CHKA: variants seen among roughly 807,000 people sequenced by gnomAD.
The protein encoded by CHKA is CHETK-alpha.
Under a neutral mutation model 60.1 loss-of-function variants are expected in CHKA, and 34 were observed. The ratio of observed to expected loss-of-function variants is 0.57; its 90% CI spans 0.43 to 0.75. The LOEUF is 0.75. Ranked by LOEUF, CHKA falls within the 30% of genes least tolerant of loss-of-function variation. The pLI is 0.00. For synonymous variants in CHKA, 217 were observed against 223.1 expected (o/e 0.97, Z 0.24); for missense variants, 563 against 561.3 (o/e 1.00, Z -0.03).
In CHKA at chr11:68,054,015, G is replaced by A; in HGVS notation, c.1347C>T (p.Phe449=). 6.2e-7 allele frequency: 1 copy of A among 1,613,714 alleles called. No homozygotes were observed. The highest frequency in any genetic ancestry group is 8.5e-7 in the Non-Finnish European group (1 of 1,179,862). ...DYAQARFDAY[F]HQKRKLGV The stretch of plus-strand genomic sequence containing the variant: ...ACACCCCAAGCTTCCTCTTCTGGTG[G>A]AAATAGGCATCAAACCTTGCTTGGG... Residue 449 remains phenylalanine (F), a synonymous_variant, in exon 12 of 12, where the codon TTC becomes TTT. Transcript: ENST00000265689.
intron 4 of CHKA, among the ~76,000 whole-genome samples, chr11:68,072,796 C>T (rs1392844684): frequency 5.9e-5 from 9 of 151,950 alleles, no homozygotes; most frequent in Admixed American, 5.9e-4. Flanking sequence ...GAGTTCAAGA[C>T]CAGCCAGGGT....
intron 6 of CHKA, 26 bp from the exon 7 acceptor site, chr11:68,068,963 C>T (rs768188632): frequency 6.3e-7 from 1 of 1,582,856 alleles, no homozygotes; most frequent in Non-Finnish European, 8.7e-7. Context: ...TCACTGTTAC[C>T]CATCACGCTT....
At chr11:68,069,957 A>G (rs1477265273) in intron 6 of CHKA, among the ~76,000 whole-genome samples, 2 of 152,266 alleles carry the variant, frequency 1.3e-5, no homozygotes, top group African/African-American at 2.4e-5. Context: ...TTTCCTTCTC[A>G]ATGGAACCTT....
chr11:68,094,563 A>G (rs559116327), intron 2 of CHKA, among the ~76,000 whole-genome samples: 4 of 152,336 alleles, frequency 2.6e-5, no homozygotes, highest in Non-Finnish European at 1.5e-5. Flanking sequence ...CACACCAGTA[A>G]AAGTGCCAAA....
At chr11:68,074,853 A>C (rs1170877940) in intron 3 of CHKA, 23 bp from the exon 4 acceptor site, 1 of 1,610,630 alleles carries the variant, frequency 6.2e-7, no homozygotes, top group Admixed American at 1.7e-5. Context: ...GCAACAAATC[A>C]GGTGTTTACT....
At chr11:68,076,132 C>G (rs538902645) in intron 3 of CHKA, among the ~76,000 whole-genome samples, 6 of 152,094 alleles carry the variant, frequency 3.9e-5, no homozygotes, top group Admixed American at 6.6e-5. Flanking sequence ...GCCGGTAATC[C>G]CCCCACAATT....
intron 3 of CHKA, 84 bp from the exon 4 acceptor site, chr11:68,074,914 A>G (rs1770168792): frequency 4.3e-6 from 5 of 1,172,776 alleles, no homozygotes; most frequent in South Asian, 3.8e-5. Flanking sequence ...GGAGTGTTTC[A>G]TCTGATCCTC....
Position 68,111,078 on chromosome 11 carries a change from A to G in CHKA, c.350+9750T>C, listed in dbSNP as rs115166515. 6.2e-3 allele frequency among the ~76,000 whole-genome samples: 950 copies of G among 152,152 alleles called. 13 individuals are homozygous for G. Among genetic ancestry groups the G allele is most frequent in the African/African-American group, 0.021 (882 of 41,514 alleles). ...AGAATAGCCAATGAAGAATAAAGTC[A>G]GAGGACCGACAATACTCAACCTCAA... On this transcript the variant is annotated intron_variant, in intron 1 of 11. Coordinates refer to ENST00000265689, the MANE Select transcript of CHKA (RefSeq NM_001277.3).
intron 4 of CHKA, among the ~76,000 whole-genome samples, chr11:68,073,593 C>T (rs1461438969): frequency 6.6e-6 from 1 of 152,196 alleles, no homozygotes; most frequent in Non-Finnish European, 1.5e-5. Context: ...GCAGCTAGCA[C>T]AACACTAGCA....
At chr11:68,073,596 C>G (rs1195998870) in intron 4 of CHKA, among the ~76,000 whole-genome samples, 2 of 152,188 alleles carry the variant, frequency 1.3e-5, no homozygotes, top group African/African-American at 4.8e-5. Flanking sequence ...GCTAGCACAA[C>G]ACTAGCACAG....
intron 1 of CHKA, among the ~76,000 whole-genome samples, chr11:68,108,366 G>A (rs1289044693): frequency 6.6e-6 from 1 of 152,126 alleles, no homozygotes; most frequent in Non-Finnish European, 1.5e-5. Flanking sequence ...CTGGTTTCCA[G>A]TCCAGTATGT....
intron 1 of CHKA, among the ~76,000 whole-genome samples, chr11:68,105,242 C>A (rs1391550164): frequency 1.3e-5 from 2 of 151,962 alleles, no homozygotes; most frequent in East Asian, 3.9e-4. Flanking sequence ...CTAGGCCGGA[C>A]ATGGTGGCTC....
At chr11:68,058,619 A>C (rs1435129231) in intron 11 of CHKA, among the ~76,000 whole-genome samples, 1 of 152,256 alleles carries the variant, frequency 6.6e-6, no homozygotes, top group African/African-American at 2.4e-5. Flanking sequence ...TGACTTTGAT[A>C]AACTCATTCA....
chr11:68,116,632 G>A (rs1393688562), intron 1 of CHKA, among the ~76,000 whole-genome samples: 1 of 151,794 alleles, frequency 6.6e-6, no homozygotes. Flanking sequence ...CAGGAGAATC[G>A]CTTGAACCTG....
chr11:68,084,466 G>A (rs1359650963), intron 2 of CHKA, among the ~76,000 whole-genome samples: 1 of 142,146 alleles, frequency 7.0e-6, no homozygotes, highest in African/African-American at 2.6e-5. Context: ...ATATATATAG[G>A]AATCCGTGGG....
Position 68,093,513 on chromosome 11 carries a change from C to T in CHKA, c.462+3506G>A, listed in dbSNP as rs952103071. Among the ~76,000 whole-genome samples, 7 of 152,326 alleles carry T rather than the reference C, an allele frequency of 4.6e-5. No individual in the cohort carries two copies. In the East Asian group the frequency reaches 1.3e-3, roughly 29 times the overall value. On this transcript the variant is annotated intron_variant, in intron 2 of 11. Coordinates refer to ENST00000265689, the MANE Select transcript of CHKA (RefSeq NM_001277.3). The stretch of plus-strand genomic sequence containing the variant: ...TAAGAGCTAATTACATTTTAAGTGG[C>T]TTAAATTATTCTTTTTATTTTTCTT...
intron 2 of CHKA, among the ~76,000 whole-genome samples, chr11:68,088,340 T>C (rs150024799): frequency 2.0e-5 from 3 of 152,238 alleles, no homozygotes; most frequent in East Asian, 3.9e-4. Context: ...TGATGCCCAT[T>C]TGGTCTTGGA....
chr11:68,083,932 C>A (rs1857068842), intron 2 of CHKA, among the ~76,000 whole-genome samples: 1 of 151,992 alleles, frequency 6.6e-6, no homozygotes, highest in Non-Finnish European at 1.5e-5. Context: ...ACTTTTTCGT[C>A]CAGGAAGACA....
chr11:68,062,543 G>C (rs1266017448), intron 10 of CHKA, among the ~76,000 whole-genome samples: 6 of 152,220 alleles, frequency 3.9e-5, no homozygotes, highest in Non-Finnish European at 8.8e-5. Flanking sequence ...GAGCAGATCA[G>C]AGAGCGTGAG....
Sources: gnomAD v4.1 joint callset for allele counts (sites outside exome capture counted in the v4.1 genomes callset) on GRCh38, gnomAD v4.1.1 for gene constraint, MANE v1.5 for transcripts, NCBI Gene and HGNC (gene_info 2026-07-23, HGNC 2026-07-21) for gene names.